DNTTIP2: variants seen among roughly 807,000 people sequenced by gnomAD.
DNTTIP2 encodes deoxynucleotidyltransferase terminal interacting protein 2.
A neutral mutation model predicts 62.4 loss-of-function variants in DNTTIP2; 47 were observed. That is an observed-to-expected ratio of 0.75 (90% CI 0.60 to 0.96). The LOEUF is 0.96. Among genes scored for constraint, DNTTIP2 ranks in the 40% least tolerant of loss-of-function variants. DNTTIP2 has a pLI of 0.00. For missense variants in DNTTIP2, 870 were observed against 849.1 expected, an observed-to-expected ratio of 1.02 and a Z score of -0.31; for synonymous variants, 322 against 300.9, an observed-to-expected ratio of 1.07 and a Z score of -0.73.
At chr1:93,873,075 T>C (rs770692554) in intron 4 of DNTTIP2, 44 bp downstream of exon 4, 13 of 1,376,668 alleles carry the variant, frequency 9.4e-6, no homozygotes, top group East Asian at 4.6e-5. Context: ...TGAAAATATA[T>C]AGCCAAACAT....
intron 1 of DNTTIP2, chr1:93,878,484 G>A (rs1656073334): frequency 6.5e-6 from 1 of 153,992 alleles, no homozygotes; most frequent in African/African-American, 2.4e-5. Flanking sequence ...GGGAGAAAGG[G>A]AATATTAACT....
At position 93,869,675 on chromosome 1, in the gene DNTTIP2, C is replaced by CCTATTTTCTA; in HGVS notation, c.*166_*175dup. The CCTATTTTCTA allele has an allele frequency of 1.8e-6, 1 of 558,568 alleles. No homozygotes were observed. The highest frequency in any genetic ancestry group is 2.9e-5 in the East Asian group (1 of 34,472). The allele number at this position is 558,568 out of a possible 1,614,324, so 34.6% of individuals were successfully genotyped here. On this transcript the variant is annotated 3_prime_UTR_variant, in exon 7 of 7. Transcript: ENST00000436063. ...CACCAGGGTGGGTCTTTTAGACACC[C>CCTATTTTCTA]CTATTTTCTAAGGGCATGTAATCGA...
intron 1 of DNTTIP2, 60 bp downstream of exon 1, chr1:93,879,017 C>T (rs1436376201): frequency 2.5e-6 from 4 of 1,598,332 alleles, no homozygotes; most frequent in Non-Finnish European, 3.4e-6. Flanking sequence ...TTGCGCCGCC[C>T]CGCCTGCCTG....
rs1656047772 is a variant in DNTTIP2, at chr1:93,877,645, GAC to G, written c.288_289del (p.Ser97Ter). On this transcript the variant is annotated frameshift_variant, in exon 2 of 7. Coordinates refer to ENST00000436063, the MANE Select transcript of DNTTIP2 (RefSeq NM_014597.5). LOFTEE classifies it high-confidence loss of function. ...CCTTAAAATGGTATCATGGTGCTCAGACACAGAATAATTTGACTCTGCCTCAG... is the reference window on the plus strand; with the variant it reads ...CCTTAAAATGGTATCATGGTGCTCAGACAGAATAATTTGACTCTGCCTCAG... 4 of 1,613,874 alleles carry G rather than the reference GAC, an allele frequency of 2.5e-6. No homozygotes were observed. Among genetic ancestry groups the G allele is most frequent in the South Asian group, 2.2e-5 (2 of 91,094 alleles).
intron 4 of DNTTIP2, 119 bp from the exon 5 acceptor site, chr1:93,872,355 T>TTTATTATTTAAG: frequency 3.2e-6 from 3 of 945,816 alleles, no homozygotes; most frequent in Non-Finnish European, 4.6e-6. Flanking sequence ...GGTTACTTTA[T>TTTATTATTTAAG]TGAAAGCACT....
chr1:93,876,926 G>A lies in DNTTIP2; in HGVS notation c.1009C>T (p.Gln337Ter). The A allele has an allele frequency of 6.2e-7, 1 of 1,613,732 alleles. No homozygotes were observed. The highest frequency in any genetic ancestry group is 8.5e-7 in the Non-Finnish European group (1 of 1,179,830). ...QDTSLQQLVS[Q>*]RHSTPQNKNA... ...TTATTTTGGGGGGTTGAATGTCTCT[G>A]AGAAACTAACTGTTGAAGGCTAGTG... The change falls in exon 2 of 7, where the codon CAG becomes TAG. Residue 337 changes from glutamine (Q) to a stop codon, truncating the protein, a stop_gained. Transcript: ENST00000436063. LOFTEE classifies it high-confidence loss of function.
In DNTTIP2 at chr1:93,867,581, A is replaced by T. The variant is rs1481134683; in HGVS notation, c.*2270T>A. 7.3e-6 allele frequency: 1 copy of T among 136,684 alleles called. No homozygotes were observed. Among genetic ancestry groups the T allele is most frequent in the South Asian group, 2.3e-4 (1 of 4,372 alleles). The allele number at this position is 136,684 out of a possible 1,614,324, so 8.5% of individuals were successfully genotyped here. ...CCTGGGTGATGGAGTGAGACGTCTC[A>T]AAAAAAAAAAAAAAAGTTCCAGTAG... On this transcript the variant is annotated 3_prime_UTR_variant, in exon 7 of 7. Transcript: ENST00000436063.
chr1:93,879,010 C>G (rs1340341884), intron 1 of DNTTIP2, 67 bp downstream of exon 1: 7 of 1,586,398 alleles, frequency 4.4e-6, no homozygotes, highest in Admixed American at 1.7e-5. Flanking sequence ...CGGACCCTTG[C>G]GCCGCCCCGC....
chr1:93,871,451 T>C (rs77600981), intron 5 of DNTTIP2, among the ~76,000 whole-genome samples: 1 of 152,140 alleles, frequency 6.6e-6, no homozygotes, highest in East Asian at 1.9e-4. Context: ...ACAATTTAGC[T>C]TGAATTTGTA....
rs571953932 is a variant in DNTTIP2, at chr1:93,869,858, C to T, written c.2264G>A (p.Arg755His). 15 of 779,958 alleles carry T rather than the reference C, an allele frequency of 1.9e-5. No individual in the cohort carries two copies. Among genetic ancestry groups the T allele is most frequent in the Non-Finnish European group, 3.1e-5 (13 of 417,548 alleles). 48.3% of individuals were successfully genotyped at this position (779,958 alleles called of 1,614,324 possible). The change falls in exon 7 of 7, where the codon CGC becomes CAC. Residue 755 changes from arginine to histidine, a missense_variant. Coordinates refer to ENST00000436063, the MANE Select transcript of DNTTIP2 (RefSeq NM_014597.5). ...CAGTTTGCTTGGTAAATCTTAATTG[C>T]GAAATTTCTTCTTCTTTCGGAACTT... ...GKKFRKKKKF[R>H]N
Position 93,876,769 on chromosome 1 carries a change from G to C in DNTTIP2, c.1166C>G (p.Thr389Arg). The C allele has an allele frequency of 1.9e-6, 3 of 1,613,904 alleles. No individual in the cohort carries two copies. Among genetic ancestry groups the C allele is most frequent in the Non-Finnish European group, 2.5e-6 (3 of 1,179,864 alleles). The change falls in exon 2 of 7, where the codon ACA (threonine) becomes AGA (arginine). Residue 389 changes from threonine to arginine, a missense_variant. Transcript: ENST00000436063. ...ACTACCACCACAATCACCAAACTTT[G>C]TCAAGTCACTTGCTTTTATGGGGCT... Reference protein sequence around the residue: ...KKSPIKASDLTKFGDCGGSDD... With the variant: ...KKSPIKASDLRKFGDCGGSDD...
chr1:93,875,574 CTT>C (rs1035366745), intron 3 of DNTTIP2, 69 bp downstream of exon 3: 2 of 1,508,594 alleles, frequency 1.3e-6, no homozygotes, highest in African/African-American at 2.8e-5. Flanking sequence ...AAAATTAAGT[CTT>C]TTACCAAGGA....
intron 6 of DNTTIP2, 112 bp from the exon 7 acceptor site, chr1:93,870,056 G>A: frequency 1.6e-6 from 1 of 623,746 alleles, no homozygotes; most frequent in Non-Finnish European, 2.9e-6. Context: ...TATAGTCTCT[G>A]ACCTCATAGC....
At chr1:93,872,627 G>A (rs1655896152) in intron 4 of DNTTIP2, among the ~76,000 whole-genome samples, 1 of 152,104 alleles carries the variant, frequency 6.6e-6, no homozygotes, top group South Asian at 2.1e-4. Flanking sequence ...CAGTCACCCA[G>A]GAGTCTCAGA....
At position 93,867,019 on chromosome 1, in the gene DNTTIP2, C is replaced by G. The variant is rs1027304461; in HGVS notation, c.*2832G>C. 2 of 151,930 alleles carry G rather than the reference C, an allele frequency of 1.3e-5. No individual in the cohort carries two copies. Among genetic ancestry groups the G allele is most frequent in the Admixed American group, 1.3e-4 (2 of 15,196 alleles). The allele number at this position is 151,930 out of a possible 1,614,324, so 9.4% of individuals were successfully genotyped here. A position where few individuals can be genotyped will look rare whatever the true frequency, so the allele number is the denominator to read the frequency against. ...ATTAGCCGGGTGTGGTGGTGGGTGC[C>G]TGTTAATCCCAGGTACTTGGGAGGC... On this transcript the variant is annotated 3_prime_UTR_variant, in exon 7 of 7. Coordinates refer to ENST00000436063, the MANE Select transcript of DNTTIP2 (RefSeq NM_014597.5).
chr1:93,877,011 A>C lies in DNTTIP2; in HGVS notation c.924T>G (p.Asp308Glu). 1 of 1,612,720 alleles carries C rather than the reference A, an allele frequency of 6.2e-7. No individual in the cohort carries two copies. The highest frequency in any genetic ancestry group is 8.5e-7 in the Non-Finnish European group (1 of 1,179,774). ...DLDEDANGIT[D>E]EGKEINEKSS... ...TTTTCTCATTAATTTCTTTCCCCTC[A>C]TCTGTTATTCCATTGGCATCTTCAT... is the stretch of plus-strand genomic sequence containing the variant. Residue 308 changes from aspartate to glutamate, a missense_variant, in exon 2 of 7, where the codon GAT becomes GAG. Transcript: ENST00000436063.
At chr1:93,875,570 A>T in intron 3 of DNTTIP2, 75 bp downstream of exon 3, 1 of 1,478,806 alleles carries the variant, frequency 6.8e-7, no homozygotes, top group Non-Finnish European at 9.1e-7. Flanking sequence ...TAGGAAAATT[A>T]AGTCTTTTAC....
At position 93,873,125 on chromosome 1, in the gene DNTTIP2, T is replaced by C; in HGVS notation, c.1896A>G (p.Lys632=). Residue 632 remains lysine (K), a synonymous_variant, in exon 4 of 7, where the codon AAA becomes AAG. Transcript: ENST00000436063. ...ATTAAGTCACTGTACTTACTCTGCG[T>C]TTTTTCTGAAGTTGATACTTTGATT... ...YSESKYQLQK[K]RRKERQKTAG... 1 of 1,608,364 alleles carries C rather than the reference T, an allele frequency of 6.2e-7. No homozygotes were observed. Among genetic ancestry groups the C allele is most frequent in the South Asian group, 1.1e-5 (1 of 90,254 alleles).
At chr1:93,870,928 CCATT>C (rs753022763) in intron 5 of DNTTIP2, 136 bp from the exon 6 acceptor site, 14 of 436,838 alleles carry the variant, frequency 3.2e-5, no homozygotes, top group Non-Finnish European at 4.4e-5. Context: ...GTAAATTTTG[CCATT>C]TATTTAAAGC....
Sources: gnomAD v4.1 joint callset for allele counts (sites outside exome capture counted in the v4.1 genomes callset) on GRCh38, gnomAD v4.1.1 for gene constraint, MANE v1.5 for transcripts, NCBI Gene and HGNC (gene_info 2026-07-23, HGNC 2026-07-21) for gene names.